The following APBB3 variants were observed in gnomAD, a reference collection of about 807,000 sequenced individuals.
APBB3 encodes amyloid beta precursor protein binding family B member 3, also known as amyloid-beta A4 precursor protein-binding family B member 3.
Under a neutral mutation model 61.5 loss-of-function variants are expected in APBB3, and 50 were observed. That is an observed-to-expected ratio of 0.81 (90% confidence interval 0.65 to 1.03). The LOEUF (loss-of-function observed/expected upper bound fraction) is 1.03, where lower values mean the gene tolerates loss of function less well. APBB3 is among the 50% of genes least tolerant of loss of function. The probability of loss-of-function intolerance (pLI) is 0.00; values close to 1 mark genes in which losing one functional copy is unlikely to be tolerated. For missense variants in APBB3, 550 were observed against 637.4 expected, an observed-to-expected ratio of 0.86 and a Z score of 1.48; for synonymous variants, 235 against 233.0, an observed-to-expected ratio of 1.01 and a Z score of -0.08.
Position 140,560,254 on chromosome 5 carries a change from T to G in APBB3, c.1224+59A>C. On this transcript the variant is annotated intron_variant, in intron 12 of 12. Coordinates refer to ENST00000357560, the MANE Select transcript of APBB3 (RefSeq NM_133173.3). The surrounding 1 kb of genome is among the most constrained non-coding windows in gnomAD (Gnocchi z 5.1). ...AGAGGCTGCCGACCCGGAGCCCAAG[T>G]AAACAGTGGAGAGCAGCTGCAGGGC... The G allele has an allele frequency of 1.3e-6, 2 of 1,553,014 alleles. No homozygotes were observed. Among genetic ancestry groups the G allele is most frequent in the South Asian group, 2.3e-5 (2 of 85,184 alleles).
chr5:140,563,735 C>A lies in APBB3; in HGVS notation c.213+17G>T. On this transcript the variant is annotated intron_variant, in intron 2 of 12. Coordinates refer to ENST00000357560, the MANE Select transcript of APBB3 (RefSeq NM_133173.3). Reference sequence around the variant, plus strand: ...GTCCACACATGGGCTCAGACCTCCTCCTCACACTCTACCTACCGTGCCTGG... The same window carrying A: ...GTCCACACATGGGCTCAGACCTCCTACTCACACTCTACCTACCGTGCCTGG... 2.5e-6 allele frequency: 4 copies of A among 1,614,084 alleles called. No homozygotes were observed. Among genetic ancestry groups the A allele is most frequent in the Non-Finnish European group, 3.4e-6 (4 of 1,179,966 alleles).
Position 140,562,699 on chromosome 5 carries a change from C to CT in APBB3, c.314_315insA (p.Glu106GlyfsTer12), listed in dbSNP as rs1561874054. 6.2e-7 allele frequency: 1 copy of CT among 1,614,204 alleles called. No individual in the cohort carries two copies. ...GCTCCATGCTCTGGATGTAGGATTC[C>CT]CCACCATACCAGGACAGAGAGTTAC... is the stretch of plus-strand genomic sequence containing the variant. On this transcript the variant is annotated frameshift_variant, in exon 4 of 13. Transcript: ENST00000357560. LOFTEE classifies it high-confidence loss of function.
rs1176323457 is a variant in APBB3, at chr5:140,564,237, G to A, written c.9C>T (p.Gly3=). ...GAATGATGGCCAGCATGTAATCCTT[G>A]CCCAGCATAACCCCGGCTGCTCCCC... ML[G]KDYMLAIILV... Residue 3 remains glycine, a synonymous_variant, in exon 1 of 13, where the codon GGC becomes GGT. Coordinates refer to ENST00000357560, the MANE Select transcript of APBB3 (RefSeq NM_133173.3). This position sits in a 1 kb window ranked among gnomAD's most constrained non-coding sequence, Gnocchi z 5.0. 5 of 1,612,372 alleles carry A rather than the reference G, an allele frequency of 3.1e-6. No individual in the cohort carries two copies. Among genetic ancestry groups the A allele is most frequent in the Admixed American group, 1.7e-5 (1 of 60,018 alleles).
chr5:140,564,354 G>C lies in APBB3; in HGVS notation c.-109C>G. The C allele has an allele frequency of 2.2e-6, 3 of 1,366,382 alleles. No homozygotes were observed. Among genetic ancestry groups the C allele is most frequent in the Non-Finnish European group, 3.0e-6 (3 of 987,912 alleles). The allele number at this position is 1,366,382 out of a possible 1,614,324, so 84.6% of individuals were successfully genotyped here. ...AGCCTCTCTGCGCCGCAGGCTGCGG[G>C]GCCAGCTGGCGCCGCACAAATACGG... On this transcript the variant is annotated 5_prime_UTR_variant, in exon 1 of 13. Transcript: ENST00000357560. This position sits in a 1 kb window ranked among gnomAD's most constrained non-coding sequence, Gnocchi z 5.0.
Position 140,564,249 on chromosome 5 carries a change from C to A in APBB3, c.-4G>T, listed in dbSNP as rs1755108700. ...GCATGTAATCCTTGCCCAGCATAAC[C>A]CCGGCTGCTCCCCGCCAGCCTCTGC... On this transcript the variant is annotated 5_prime_UTR_variant, in exon 1 of 13. Transcript: ENST00000357560. This position sits in a 1 kb window ranked among gnomAD's most constrained non-coding sequence, Gnocchi z 5.0. The A allele has an allele frequency of 6.2e-7, 1 of 1,609,398 alleles. No individual in the cohort carries two copies. The highest frequency in any genetic ancestry group is 1.7e-5 in the Admixed American group (1 of 59,996).
At position 140,561,385 on chromosome 5, in the gene APBB3, G is replaced by A; in HGVS notation, c.812C>T (p.Pro271Leu). 6.2e-7 allele frequency: 1 copy of A among 1,614,222 alleles called. No individual in the cohort carries two copies. The highest frequency in any genetic ancestry group is 8.5e-7 in the Non-Finnish European group (1 of 1,180,048). ...CATACCTTGCCGTGGCAGGTCTTCA[G>A]GAGAGATGGGGTCTGGGGAGCAGCA... ...ASCCSPDPIS[P>L]EDLPRQVELL... Residue 271 changes from proline to leucine, a missense_variant, in exon 9 of 13, where the codon CCT (proline) becomes CTT (leucine). Around this residue, in one of 3 missense-constraint regions of APBB3, gnomAD observed 405 missense variants for 483.4 expected, o/e 0.84. Transcript: ENST00000357560.
In APBB3 at chr5:140,560,578, G is replaced by A. The variant is rs766915882; in HGVS notation, c.1032+61C>T. On this transcript the variant is annotated intron_variant, in intron 11 of 12. Coordinates refer to ENST00000357560, the MANE Select transcript of APBB3 (RefSeq NM_133173.3). This position sits in a 1 kb window ranked among gnomAD's most constrained non-coding sequence, Gnocchi z 5.1. ...CACTTAACTTTTCCGACAGCAAGCA[G>A]TGACCCCTCAGCATCCCTGCTCACC... is the stretch of plus-strand genomic sequence containing the variant. The A allele has an allele frequency of 3.5e-5, 57 of 1,607,560 alleles. 2 individuals carry two copies. In the Middle Eastern group the frequency reaches 5.8e-3, roughly 163 times the overall value.
chr5:140,564,062 A>C lies in APBB3; in HGVS notation c.49+135T>G, dbSNP rs1236804496. 1 of 1,469,700 alleles carries C rather than the reference A, an allele frequency of 6.8e-7. No homozygotes were observed. The highest frequency in any genetic ancestry group is 9.3e-7 in the Non-Finnish European group (1 of 1,079,622). The allele number at this position is 1,469,700 out of a possible 1,614,324, so 91.0% of individuals were successfully genotyped here. On this transcript the variant is annotated intron_variant, in intron 1 of 12. Coordinates refer to ENST00000357560, the MANE Select transcript of APBB3 (RefSeq NM_133173.3). This position sits in a 1 kb window ranked among gnomAD's most constrained non-coding sequence, Gnocchi z 5.0. The stretch of plus-strand genomic sequence containing the variant: ...CTCAATCTTGAAGACATCACATGTA[A>C]AGACCGGGTTCATTCGCCCCCTGGT...
At position 140,561,364 on chromosome 5, in the gene APBB3, C is replaced by T. The variant is rs1754945647; in HGVS notation, c.832+1G>A. ...GCAATGCAGGTCTCCCCTCCCCATA[C>T]CTTGCCGTGGCAGGTCTTCAGGAGA... is the stretch of plus-strand genomic sequence containing the variant. On this transcript the variant is annotated splice_donor_variant, in intron 9 of 12. Coordinates refer to ENST00000357560, the MANE Select transcript of APBB3 (RefSeq NM_133173.3). LOFTEE classifies it high-confidence loss of function. The T allele has an allele frequency of 6.2e-7, 1 of 1,614,212 alleles. No individual in the cohort carries two copies. The highest frequency in any genetic ancestry group is 1.1e-5 in the South Asian group (1 of 91,088).
chr5:140,562,007 G>T lies in APBB3; in HGVS notation c.626+93C>A, dbSNP rs757091523. 4 of 1,612,552 alleles carry T rather than the reference G, an allele frequency of 2.5e-6. No homozygotes were observed. In the African/African-American group the frequency reaches 4.0e-5, roughly 16 times the overall value. On this transcript the variant is annotated intron_variant, in intron 6 of 12. Transcript: ENST00000357560. ...CCACATCAGAGGATCTGTGTCCAGG[G>T]GTTCAAGTACTGGGGATCAGCATCA... is the stretch of plus-strand genomic sequence containing the variant.
Position 140,562,096 on chromosome 5 carries a change from T to C in APBB3, c.626+4A>G. The C allele has an allele frequency of 1.2e-6, 2 of 1,613,904 alleles. No individual in the cohort carries two copies. Among genetic ancestry groups the C allele is most frequent in the East Asian group, 4.5e-5 (2 of 44,880 alleles). The stretch of plus-strand genomic sequence containing the variant: ...TCTTGCTTGGGGGATGTAGGCATCC[T>C]CACCGGCCCTTGGAGCTCCCCACGC... On this transcript the variant is annotated splice_donor_region_variant and intron_variant, in intron 6 of 12. Coordinates refer to ENST00000357560, the MANE Select transcript of APBB3 (RefSeq NM_133173.3).
chr5:140,559,269 T>C (rs1754843071), intron 12 of APBB3, among the ~76,000 whole-genome samples: 1 of 152,166 alleles, frequency 6.6e-6, no homozygotes, highest in African/African-American at 2.4e-5. Flanking sequence ...GCAAAGCAGA[T>C]TCCCTAGTCA....
chr5:140,562,525 A>C (rs2127132543), intron 4 of APBB3, 26 bp from the exon 5 acceptor site: 1 of 1,613,428 alleles, frequency 6.2e-7, no homozygotes, highest in East Asian at 2.2e-5. Flanking sequence ...AAGGGACAGG[A>C]ATTAATAAGG....
chr5:140,560,338 G>A lies in APBB3; in HGVS notation c.1199C>T (p.Ser400Phe). The A allele has an allele frequency of 6.2e-7, 1 of 1,613,462 alleles. No homozygotes were observed. Residue 400 changes from serine to phenylalanine, a missense_variant, in exon 12 of 13, where the codon TCT becomes TTT. This residue lies in a region of APBB3 where 138 missense variants were observed against 132.6 expected (regional missense o/e 1.04). Coordinates refer to ENST00000357560, the MANE Select transcript of APBB3 (RefSeq NM_133173.3). This position sits in a 1 kb window ranked among gnomAD's most constrained non-coding sequence, Gnocchi z 5.1. ...FWCQPHAGGLSEAVQAACMVQ... is the reference protein window; with the variant it reads ...FWCQPHAGGLFEAVQAACMVQ... ...CATACAGGCAGCCTGCACAGCTTCA[G>A]AGAGTCCCCCTGCATGGGGCTGGCA...
At position 140,564,385 on chromosome 5, in the gene APBB3, G is replaced by C. The variant is rs879127215; in HGVS notation, c.-140C>G. The C allele has an allele frequency of 1.4e-5, 14 of 968,826 alleles. No individual in the cohort carries two copies. Among genetic ancestry groups the C allele is most frequent in the Middle Eastern group, 2.5e-4 (1 of 3,942 alleles). The allele number at this position is 968,826 out of a possible 1,614,324, so 60.0% of individuals were successfully genotyped here. On this transcript the variant is annotated 5_prime_UTR_variant, in exon 1 of 13. Transcript: ENST00000357560. This position sits in a 1 kb window ranked among gnomAD's most constrained non-coding sequence, Gnocchi z 5.0. The stretch of plus-strand genomic sequence containing the variant: ...CTGGCGCCGCACAAATACGGGGCGG[G>C]ACACGGGGCGGGACACGGGCCGGTC...
chr5:140,559,477 C>T (rs188653230), intron 12 of APBB3, among the ~76,000 whole-genome samples: 2 of 152,312 alleles, frequency 1.3e-5, no homozygotes, highest in East Asian at 3.9e-4. Context: ...CTTCCTAGTG[C>T]CTCCAGATAA....
rs761721268 is a variant in APBB3 at position 140,558,806 on chromosome 5, A to C, written c.1240T>G (p.Cys414Gly). 1.4e-5 allele frequency: 23 copies of C among 1,612,154 alleles called. No individual in the cohort carries two copies. The change falls in exon 13 of 13, where the codon TGT becomes GGT. Residue 414 changes from cysteine to glycine, a missense_variant. Transcript: ENST00000357560. ...QAACMVQYQK[C>G]LVASAARGKA... is the part of the protein sequence containing the mutation. ...CCTCGAGCTGCAGAGGCCACAAGAC[A>C]CTTCTGGTACTGAACCTAGGGAGAA...
Position 140,560,831 on chromosome 5 carries a change from T to C in APBB3, c.917-77A>G, listed in dbSNP as rs535693217. The C allele has an allele frequency of 1.4e-6, 2 of 1,465,350 alleles. No homozygotes were observed. Among genetic ancestry groups the C allele is most frequent in the African/African-American group, 2.8e-5 (2 of 72,176 alleles). The allele number at this position is 1,465,350 out of a possible 1,614,324, so 90.8% of individuals were successfully genotyped here. On this transcript the variant is annotated intron_variant, in intron 10 of 12. Transcript: ENST00000357560. The surrounding 1 kb of genome is among the most constrained non-coding windows in gnomAD (Gnocchi z 5.1). Reference sequence around the variant, plus strand: ...GGAGTGTCTAGCCCCCTCTCACTGATTTGGGATTCAGAGATAGGGAATAGG... The same window carrying C: ...GGAGTGTCTAGCCCCCTCTCACTGACTTGGGATTCAGAGATAGGGAATAGG...
chr5:140,558,575 C>A lies in APBB3; in HGVS notation c.*10G>T. The A allele has an allele frequency of 6.2e-7, 1 of 1,613,572 alleles. No individual in the cohort carries two copies. Among genetic ancestry groups the A allele is most frequent in the South Asian group, 1.1e-5 (1 of 91,070 alleles). On this transcript the variant is annotated 3_prime_UTR_variant, in exon 13 of 13. Coordinates refer to ENST00000357560, the MANE Select transcript of APBB3 (RefSeq NM_133173.3). The stretch of plus-strand genomic sequence containing the variant: ...CCCAGAGCCTACTTCCCCAGCCTTC[C>A]CAGATAAGTTTAGGGCATATGGAGC...
Sources: gnomAD v4.1 joint callset for allele counts (sites outside exome capture counted in the v4.1 genomes callset) on GRCh38, gnomAD v4.1.1 for gene constraint, gnomAD v4.1.1 regional missense constraint, Gnocchi (gnomAD v3.1) non-coding constraint, MANE v1.5 for transcripts, NCBI Gene and HGNC (gene_info 2026-07-23, HGNC 2026-07-21) for gene names.